Variants in DMD observed in about 807,000 individuals in gnomAD.
DMD encodes mutant dystrophin.
A neutral mutation model predicts 330.1 loss-of-function variants in DMD; 63 were observed. The observed-to-expected ratio is 0.19, with a 90% CI of 0.16 to 0.24. The LOEUF (loss-of-function observed/expected upper bound fraction) is 0.24. DMD is among the 10% of genes least tolerant of loss of function. DMD has a pLI of 1.00. For synonymous variants in DMD, 1,223 were observed against 959.8 expected (o/e 1.27, Z -5.07); for missense variants, 3,344 against 2,684.1 (o/e 1.25, Z -5.43).
intron 42 of DMD, among the ~76,000 whole-genome samples, chrX:32,292,558 C>T (rs1250897270): frequency 9.1e-6 from 1 of 110,049 alleles, no homozygotes; most frequent in Non-Finnish European, 1.9e-5. Flanking sequence ...CCACCCGCCT[C>T]AGCCTCCCAA....
chrX:31,930,967 A>G (rs1168354291), intron 46 of DMD, among the ~76,000 whole-genome samples: 2 of 112,144 alleles, frequency 1.8e-5, no homozygotes, highest in Non-Finnish European at 1.9e-5. Flanking sequence ...TCAGTGCTCC[A>G]TATTTGTTTA....
chrX:31,995,068 G>A (rs180684881), intron 44 of DMD, among the ~76,000 whole-genome samples: 1 of 112,037 alleles, frequency 8.9e-6, no homozygotes, highest in African/African-American at 3.2e-5. Context: ...CCTTCCTTAC[G>A]TGCTTATCAA....
At chrX:31,161,037 A>G (rs2038749105) in intron 74 of DMD, among the ~76,000 whole-genome samples, 3 of 111,534 alleles carry the variant, frequency 2.7e-5, no homozygotes, top group Admixed American at 9.5e-5. Flanking sequence ...AATCCTCTGG[A>G]AACAGCCTCT....
chrX:32,808,362 A>G (rs749798598), intron 7 of DMD, among the ~76,000 whole-genome samples: 1 of 112,207 alleles, frequency 8.9e-6, no homozygotes, highest in South Asian at 3.7e-4. Flanking sequence ...ATATTTGTCA[A>G]TTGTATGTGA....
intron 34 of DMD, among the ~76,000 whole-genome samples, chrX:32,377,946 T>C (rs1158992085): frequency 1.8e-5 from 2 of 111,144 alleles, no homozygotes; most frequent in African/African-American, 3.3e-5. Context: ...TTTTCCTGAA[T>C]GGCCCTTTAG....
intron 22 of DMD, among the ~76,000 whole-genome samples, chrX:32,470,906 CT>C (rs1312122160): frequency 1.8e-5 from 2 of 111,901 alleles, no homozygotes; most frequent in Non-Finnish European, 3.8e-5. Context: ...ATTATCTCAG[CT>C]TCTAAATATA....
chrX:33,021,028 G>A (rs1300045717), intron 1 of DMD, among the ~76,000 whole-genome samples: 1 of 111,176 alleles, frequency 9.0e-6, no homozygotes, highest in African/African-American at 3.3e-5. Flanking sequence ...AACAAATTAA[G>A]AGCTCAGAAA....
At chrX:31,870,449 A>G (rs759644960) in intron 48 of DMD, among the ~76,000 whole-genome samples, 1 of 111,714 alleles carries the variant, frequency 9.0e-6, no homozygotes, top group Non-Finnish European at 1.9e-5. Flanking sequence ...GCAAACACAG[A>G]TGGCCTAAAT....
At chrX:31,253,804 T>C (rs889390525) in intron 63 of DMD, among the ~76,000 whole-genome samples, 1 of 111,894 alleles carries the variant, frequency 8.9e-6, no homozygotes, top group African/African-American at 3.3e-5. Flanking sequence ...CTGCAAACCA[T>C]AGACATGAAG....
At chrX:32,772,846 G>T (rs757938768) in intron 7 of DMD, among the ~76,000 whole-genome samples, 4 of 104,600 alleles carry the variant, frequency 3.8e-5, no homozygotes, top group African/African-American at 1.7e-4. Flanking sequence ...ACATAAAATC[G>T]TTTGGGGAAA....
chrX:31,342,682 T>G (rs750934955), intron 61 of DMD, among the ~76,000 whole-genome samples: 9 of 112,195 alleles, frequency 8.0e-5, no homozygotes, highest in South Asian at 3.8e-4. Flanking sequence ...ATAGAATGAT[T>G]TCTCCCTTTA....
At chrX:32,666,575 G>T (rs2061318020) in intron 9 of DMD, among the ~76,000 whole-genome samples, 1 of 110,973 alleles carries the variant, frequency 9.0e-6, no homozygotes, top group Admixed American at 9.7e-5. Flanking sequence ...CCATGTATAT[G>T]TGCCACATTT....
intron 1 of DMD, among the ~76,000 whole-genome samples, chrX:33,021,788 T>C (rs1197138660): frequency 1.8e-5 from 2 of 111,900 alleles, no homozygotes; most frequent in African/African-American, 6.5e-5. Context: ...AGCTTCTATA[T>C]GTATGTTCAA....
At chrX:32,378,084 T>C (rs768935815) in intron 34 of DMD, among the ~76,000 whole-genome samples, 1 of 110,922 alleles carries the variant, frequency 9.0e-6, no homozygotes. Context: ...CTTCTGGCAC[T>C]AAGTTCTAGC....
chrX:32,642,714 A>C (rs981108444), intron 11 of DMD, among the ~76,000 whole-genome samples: 2 of 112,142 alleles, frequency 1.8e-5, no homozygotes, highest in African/African-American at 6.5e-5. Flanking sequence ...TCACACAGCA[A>C]TTAATTAACT....
chrX:32,580,486 T>C (rs778996231), intron 13 of DMD, among the ~76,000 whole-genome samples: 6 of 111,873 alleles, frequency 5.4e-5, no homozygotes, highest in Non-Finnish European at 1.1e-4. Flanking sequence ...ACCAGTGAAA[T>C]AGAGATAATA....
chrX:33,089,193 G>A (rs1456912395), intron 1 of DMD, among the ~76,000 whole-genome samples: 2 of 107,329 alleles, frequency 1.9e-5, no homozygotes, highest in Non-Finnish European at 3.8e-5. Context: ...AGCCTCCCAA[G>A]TAGCTGGGAC....
chrX:31,963,321 T>G (rs2095323633), intron 45 of DMD, among the ~76,000 whole-genome samples: 1 of 112,187 alleles, frequency 8.9e-6, no homozygotes, highest in African/African-American at 3.2e-5. Flanking sequence ...CAAACCAGCA[T>G]AGATTATATA....
chrX:31,529,298 T>C lies in DMD; in HGVS notation c.8218-21845A>G, dbSNP rs750332104. 4.5e-5 allele frequency among the ~76,000 whole-genome samples: 5 copies of C among 110,489 alleles called. No individual in the cohort carries two copies. In the East Asian group the frequency reaches 1.1e-3, roughly 25 times the overall value. On this transcript the variant is annotated intron_variant, in intron 55 of 78. Transcript: ENST00000357033. ...TACTCAGTAGGCTGAAGGAGGAGGATTGCTTGAGCTCAGGAGTTTGAGGCT... is the reference window on the plus strand; with the variant it reads ...TACTCAGTAGGCTGAAGGAGGAGGACTGCTTGAGCTCAGGAGTTTGAGGCT...
Sources: allele counts gnomAD v4.1 joint callset (sites outside exome capture counted in the v4.1 genomes callset), GRCh38; gene constraint gnomAD v4.1.1; transcripts MANE v1.5; gene names NCBI Gene and HGNC (gene_info 2026-07-23, HGNC 2026-07-21).